Variants in STK32B observed in about 807,000 individuals in gnomAD.
The protein encoded by STK32B is serine/threonine-protein kinase 32B.
In STK32B, 43 loss-of-function variants were observed where a neutral mutation model predicts 52.6. That is an observed-to-expected ratio of 0.82 (90% CI 0.64 to 1.05). The LOEUF (loss-of-function observed/expected upper bound fraction) is 1.05, where lower values mean the gene tolerates loss of function less well. STK32B is among the 50% of genes least tolerant of loss of function. The probability of loss-of-function intolerance (pLI) is 0.00; values close to 1 mark genes in which losing one functional copy is unlikely to be tolerated. For missense variants in STK32B, 621 were observed against 534.6 expected (o/e 1.16, Z -1.59); for synonymous variants, 238 against 204.3 (o/e 1.17, Z -1.41).
intron 3 of STK32B, among the ~76,000 whole-genome samples, chr4:5,224,015 A>G (rs929788988): frequency 3.9e-5 from 6 of 152,186 alleles, no homozygotes; most frequent in African/African-American, 1.4e-4. Context: ...TCACAGGCTC[A>G]CAGCCAGAGG....
chr4:5,433,148 A>G (rs1713738824), intron 6 of STK32B, among the ~76,000 whole-genome samples: 1 of 150,392 alleles, frequency 6.6e-6, no homozygotes, highest in Non-Finnish European at 1.5e-5. Flanking sequence ...CCAGACAGAG[A>G]TGAAAAAGGA....
At chr4:5,033,656 T>G in the STK32B span, among the ~76,000 whole-genome samples, 1 of 152,188 alleles carries the variant, frequency 6.6e-6, no homozygotes, top group African/African-American at 2.4e-5. Context: ...AGAATAAGGA[T>G]GGCAAGAAGG....
chr4:5,129,944 G>A (rs557052574), intron 1 of STK32B, among the ~76,000 whole-genome samples: 27 of 152,250 alleles, frequency 1.8e-4, no homozygotes, highest in African/African-American at 6.5e-4. Context: ...CTAGGTGCTT[G>A]GGATGCTGAA....
At chr4:5,098,703 C>T (rs570925324) in intron 1 of STK32B, among the ~76,000 whole-genome samples, 1 of 152,322 alleles carries the variant, frequency 6.6e-6, no homozygotes, top group East Asian at 1.9e-4. Context: ...AAACCAAAAA[C>T]TCTGCCCTCT....
At chr4:5,232,431 A>T (rs1213453452) in intron 3 of STK32B, among the ~76,000 whole-genome samples, 1 of 152,202 alleles carries the variant, frequency 6.6e-6, no homozygotes, top group Non-Finnish European at 1.5e-5. Context: ...TGCAACTGTG[A>T]TTTGTTTCTT....
intron 1 of STK32B, among the ~76,000 whole-genome samples, chr4:5,116,285 C>T (rs1481840149): frequency 6.6e-6 from 1 of 152,100 alleles, no homozygotes; most frequent in Admixed American, 6.5e-5. Flanking sequence ...AGGCTCTGTA[C>T]TTAGAAGGGC....
chr4:5,191,532 G>A (rs989786318), intron 3 of STK32B, among the ~76,000 whole-genome samples: 4 of 151,932 alleles, frequency 2.6e-5, no homozygotes, highest in Non-Finnish European at 4.4e-5. Context: ...GGGATTACAG[G>A]TGTGAGCCAC....
the STK32B span, among the ~76,000 whole-genome samples, chr4:5,042,610 A>C: frequency 1.1e-4 from 17 of 152,166 alleles, no homozygotes; most frequent in African/African-American, 4.1e-4. Context: ...CGGGGCTTGC[A>C]CCCTCAGCTG....
At chr4:5,306,454 T>C (rs1309266896) in intron 3 of STK32B, among the ~76,000 whole-genome samples, 1 of 152,124 alleles carries the variant, frequency 6.6e-6, no homozygotes, top group East Asian at 1.9e-4. Flanking sequence ...TATTATTAAA[T>C]AATGTCCCTC....
chr4:5,286,033 G>A (rs76143322), intron 3 of STK32B, among the ~76,000 whole-genome samples: 5,414 of 152,046 alleles, frequency 0.036, 299 homozygotes, highest in African/African-American at 0.12. Flanking sequence ...ATCATTATGT[G>A]GTGAGAAGAC....
chr4:5,309,593 A>G (rs534356462), intron 3 of STK32B, among the ~76,000 whole-genome samples: 17 of 152,312 alleles, frequency 1.1e-4, no homozygotes, highest in African/African-American at 3.8e-4. Context: ...TTTACAACCA[A>G]TGGACTTTTG....
At chr4:5,369,747 C>T (rs918680585) in intron 4 of STK32B, among the ~76,000 whole-genome samples, 2 of 152,212 alleles carry the variant, frequency 1.3e-5, no homozygotes, top group Non-Finnish European at 2.9e-5. Context: ...AGATTTGATG[C>T]ATCCCTTCCT....
intron 3 of STK32B, among the ~76,000 whole-genome samples, chr4:5,307,617 T>G (rs1339807242): frequency 2.6e-5 from 4 of 151,942 alleles, no homozygotes; most frequent in Non-Finnish European, 4.4e-5. Flanking sequence ...ATAATTGATC[T>G]GCTGAATCCT....
chr4:5,302,215 A>T (rs975488286), intron 3 of STK32B, among the ~76,000 whole-genome samples: 1 of 151,640 alleles, frequency 6.6e-6, no homozygotes, highest in Non-Finnish European at 1.5e-5. Context: ...ATTGTAAAAA[A>T]AAAAATCACA....
At chr4:5,070,547 A>G (rs1488358227) in intron 1 of STK32B, among the ~76,000 whole-genome samples, 1 of 152,142 alleles carries the variant, frequency 6.6e-6, no homozygotes, top group Non-Finnish European at 1.5e-5. Flanking sequence ...AGAAGCCCAA[A>G]CTCTGATTAC....
At position 5,104,309 on chromosome 4, in the gene STK32B, C is replaced by G. The variant is rs191452599; in HGVS notation, c.53-35596C>G. 2.0e-5 allele frequency among the ~76,000 whole-genome samples: 3 copies of G among 152,288 alleles called. No individual in the cohort carries two copies. In the East Asian group the frequency reaches 5.8e-4, roughly 29 times the overall value. Reference sequence around the variant, plus strand: ...TTGTCTGCTGCCATGTAAGACATCCCTTTGCTCTTCCATCATCTTCCACCA... The same window carrying G: ...TTGTCTGCTGCCATGTAAGACATCCGTTTGCTCTTCCATCATCTTCCACCA... On this transcript the variant is annotated intron_variant, in intron 1 of 11. Transcript: ENST00000282908.
chr4:5,110,072 A>T (rs1435156922), intron 1 of STK32B, among the ~76,000 whole-genome samples: 4 of 152,092 alleles, frequency 2.6e-5, no homozygotes, highest in African/African-American at 9.7e-5. Flanking sequence ...TATAAGGAGA[A>T]CTACAAAACA....
chr4:5,208,863 C>G (rs1722737613), intron 3 of STK32B, among the ~76,000 whole-genome samples: 1 of 152,236 alleles, frequency 6.6e-6, no homozygotes, highest in Admixed American at 6.5e-5. Flanking sequence ...TGTCTTGTGT[C>G]AGATAAATGA....
At chr4:5,287,485 GT>G (rs36053388) in intron 3 of STK32B, among the ~76,000 whole-genome samples, 10,973 of 151,670 alleles carry the variant, frequency 0.072, 433 homozygotes, top group South Asian at 0.099. Flanking sequence ...TAATTCTAAA[GT>G]TTTTTTTATT....
Sources: gnomAD v4.1 joint callset for allele counts (sites outside exome capture counted in the v4.1 genomes callset) on GRCh38, gnomAD v4.1.1 for gene constraint, MANE v1.5 for transcripts, NCBI Gene and HGNC (gene_info 2026-07-23, HGNC 2026-07-21) for gene names.